KCNU1: variants seen among roughly 807,000 people sequenced by gnomAD.
KCNU1 encodes potassium calcium-activated channel subfamily U member 1.
KCNU1 carries 93 observed loss-of-function variants against 126.8 expected under a neutral mutation model. The ratio of observed to expected loss-of-function variants is 0.73; its 90% CI spans 0.62 to 0.87. The LOEUF is 0.87. Among genes scored for constraint, KCNU1 ranks in the 40% least tolerant of loss-of-function variants. The pLI is 0.00. For synonymous variants in KCNU1, 523 were observed against 494.2 expected (o/e 1.06, Z -0.77); for missense variants, 1,330 against 1,367.1 (o/e 0.97, Z 0.43).
Position 36,910,779 on chromosome 8 carries a change from G to T in KCNU1, c.2332-151G>T. On this transcript the variant is annotated intron_variant, in intron 21 of 26. Transcript: ENST00000399881. The stretch of plus-strand genomic sequence containing the variant: ...ATGTTTGATAAGGTTAAATGTGTCA[G>T]ATATGAGGTAACTAAGTTTTAAAAT... The T allele has an allele frequency of 1.5e-5, 8 of 539,322 alleles. No homozygotes were observed. In the South Asian group the frequency reaches 2.1e-4, roughly 14 times the overall value. 33.4% of individuals were successfully genotyped at this position (539,322 alleles called of 1,614,324 possible). A position where few individuals can be genotyped will look rare whatever the true frequency, so the allele number is the denominator to read the frequency against.
chr8:36,862,925 G>C (rs1805781464), intron 18 of KCNU1, among the ~76,000 whole-genome samples: 1 of 152,150 alleles, frequency 6.6e-6, no homozygotes, highest in African/African-American at 2.4e-5. Flanking sequence ...GCTAGTCCTT[G>C]CTCAGATTTT....
At chr8:36,920,899 C>T (rs1191302079) in intron 23 of KCNU1, among the ~76,000 whole-genome samples, 1 of 152,202 alleles carries the variant, frequency 6.6e-6, no homozygotes, top group African/African-American at 2.4e-5. Context: ...ATTAATGTCA[C>T]TTCCCCTAAA....
intron 18 of KCNU1, among the ~76,000 whole-genome samples, chr8:36,857,325 A>G (rs1158800034): frequency 6.6e-6 from 1 of 152,154 alleles, no homozygotes; most frequent in Non-Finnish European, 1.5e-5. Context: ...TCTAGGCTAC[A>G]CTCACCTGAA....
At chr8:36,903,649 T>G (rs1344815790) in intron 19 of KCNU1, among the ~76,000 whole-genome samples, 2 of 152,304 alleles carry the variant, frequency 1.3e-5, no homozygotes, top group South Asian at 2.1e-4. Context: ...TATATGCTGT[T>G]GTCAGAATCT....
chr8:36,811,345 G>A (rs920002806), intron 7 of KCNU1, among the ~76,000 whole-genome samples: 10 of 152,024 alleles, frequency 6.6e-5, no homozygotes, highest in African/African-American at 1.2e-4. Context: ...AGTTACGGAC[G>A]TCCTGGGATA....
intron 22 of KCNU1, among the ~76,000 whole-genome samples, chr8:36,912,568 G>A (rs535578167): frequency 1.3e-5 from 2 of 152,200 alleles, no homozygotes; most frequent in East Asian, 1.9e-4. Flanking sequence ...CCTTAGCTTA[G>A]CAATTAGGGT....
chr8:36,934,996 G>A (rs974401833), intron 26 of KCNU1, among the ~76,000 whole-genome samples: 4 of 152,134 alleles, frequency 2.6e-5, no homozygotes, highest in Middle Eastern at 3.4e-3. Flanking sequence ...TGGGAAAGTC[G>A]GTGGCATAAG....
intron 10 of KCNU1, among the ~76,000 whole-genome samples, chr8:36,829,781 C>T (rs1443408695): frequency 6.6e-6 from 1 of 151,236 alleles, no homozygotes; most frequent in East Asian, 1.9e-4. Flanking sequence ...TTTAGTTCTC[C>T]TTTAGTACCC....
intron 15 of KCNU1, 149 bp downstream of exon 15, chr8:36,840,724 G>A (rs934634847): frequency 2.8e-5 from 19 of 681,594 alleles, no homozygotes; most frequent in Non-Finnish European, 4.6e-5. Context: ...GAAGTTTACA[G>A]TTGGGATGGG....
At chr8:36,792,840 TAG>T (rs1802952695) in intron 2 of KCNU1, among the ~76,000 whole-genome samples, 1 of 152,174 alleles carries the variant, frequency 6.6e-6, no homozygotes, top group Non-Finnish European at 1.5e-5. Flanking sequence ...TAAGTATATA[TAG>T]GTATTGTTAT....
chr8:36,913,838 T>C (rs1353403322), intron 22 of KCNU1, among the ~76,000 whole-genome samples: 1 of 152,006 alleles, frequency 6.6e-6, no homozygotes, highest in Non-Finnish European at 1.5e-5. Flanking sequence ...CCTGACCTTG[T>C]GATCCGTCTG....
At chr8:36,847,537 C>T (rs757383199) in intron 18 of KCNU1, among the ~76,000 whole-genome samples, 16 of 152,148 alleles carry the variant, frequency 1.1e-4, no homozygotes, top group South Asian at 2.1e-4. Context: ...AACCACAAGT[C>T]GAGTCTCTAC....
intron 19 of KCNU1, among the ~76,000 whole-genome samples, chr8:36,892,116 C>T (rs1216473346): frequency 6.6e-6 from 1 of 152,056 alleles, no homozygotes; most frequent in Non-Finnish European, 1.5e-5. Flanking sequence ...TGATGTCCCA[C>T]AGTTTTCTGA....
At chr8:36,888,937 GGC>G in intron 19 of KCNU1, 1 of 400,732 alleles carries the variant, frequency 2.5e-6, no homozygotes, top group Non-Finnish European at 5.1e-6. Context: ...GGAGTGCAGT[GGC>G]ACAATCACAG....
chr8:36,883,073 A>G (rs905519598), intron 19 of KCNU1, among the ~76,000 whole-genome samples: 8 of 152,178 alleles, frequency 5.3e-5, no homozygotes, highest in Admixed American at 2.6e-4. Flanking sequence ...AATAAGCATC[A>G]TGATGTCTGT....
chr8:36,808,121 G>A (rs1053574718), intron 6 of KCNU1, among the ~76,000 whole-genome samples: 1 of 152,118 alleles, frequency 6.6e-6, no homozygotes, highest in Non-Finnish European at 1.5e-5. Context: ...GAGGAGGAAA[G>A]CCTGGTCCTG....
chr8:36,887,315 A>AATAATG (rs1168679049), intron 19 of KCNU1, among the ~76,000 whole-genome samples: 2 of 152,222 alleles, frequency 1.3e-5, no homozygotes, highest in African/African-American at 4.8e-5. Flanking sequence ...TTTGACTTTT[A>AATAATG]ATAATGGCTA....
At chr8:36,859,020 A>C (rs569224674) in intron 18 of KCNU1, among the ~76,000 whole-genome samples, 6 of 152,184 alleles carry the variant, frequency 3.9e-5, no homozygotes, top group Non-Finnish European at 7.3e-5. Context: ...TGAGATTCTA[A>C]AGCAACAAGC....
intron 19 of KCNU1, among the ~76,000 whole-genome samples, chr8:36,872,428 C>G (rs907309193): frequency 2.2e-4 from 34 of 152,232 alleles, no homozygotes; most frequent in African/African-American, 8.2e-4. Context: ...GGGACGCCGC[C>G]CCGCCCTGTA....
Sources: allele counts gnomAD v4.1 joint callset (sites outside exome capture counted in the v4.1 genomes callset), GRCh38; gene constraint gnomAD v4.1.1; transcripts MANE v1.5; gene names NCBI Gene and HGNC (gene_info 2026-07-23, HGNC 2026-07-21).